Variants in LAMC1 observed in about 807,000 individuals in gnomAD.
LAMC1 encodes laminin subunit gamma 1.
A neutral mutation model predicts 173.6 loss-of-function variants in LAMC1; 38 were observed. The observed-to-expected ratio is 0.22, with a 90% CI of 0.17 to 0.29. The LOEUF (loss-of-function observed/expected upper bound fraction) is 0.29. LAMC1 is among the 10% of genes least tolerant of loss of function. The pLI, the probability that LAMC1 is intolerant of heterozygous loss-of-function variation, is 1.00. For synonymous variants in LAMC1, 746 were observed against 749.1 expected, an observed-to-expected ratio of 1.00 and a Z score of 0.07; for missense variants, 1,824 against 2,051.8, an observed-to-expected ratio of 0.89 and a Z score of 2.14.
rs1657163478 is a variant in LAMC1 at position 183,143,153 on chromosome 1, C to T, written c.*363C>T. The T allele has an allele frequency of 5.4e-6, 1 of 184,550 alleles. No individual in the cohort carries two copies. The highest frequency in any genetic ancestry group is 1.2e-5 in the Non-Finnish European group (1 of 86,930). The allele number at this position is 184,550 out of a possible 1,614,324, so 11.4% of individuals were successfully genotyped here. ...GTAGCCCTCCCCTGTCTCATCGATA[C>T]CAGCAGAACCTCCTCAGTCTCAGTA... On this transcript the variant is annotated 3_prime_UTR_variant, in exon 28 of 28. Transcript: ENST00000258341.
At position 183,091,625 on chromosome 1, in the gene LAMC1, T is replaced by C. The variant is rs560235709; in HGVS notation, c.419-11703T>C. On this transcript the variant is annotated intron_variant, in intron 1 of 27. Coordinates refer to ENST00000258341, the MANE Select transcript of LAMC1 (RefSeq NM_002293.4). ...CTCTGAAAAATAAATATTTCTATGC[T>C]AGTCTGTAGCCAACAGAATGTAACA... is the stretch of plus-strand genomic sequence containing the variant. Among the ~76,000 whole-genome samples the C allele has an allele frequency of 4.5e-3, 683 of 152,332 alleles. 8 individuals carry two copies. The highest frequency in any genetic ancestry group is 0.016 in the African/African-American group (648 of 41,574).
chr1:183,068,399 T>C (rs1005227297), intron 1 of LAMC1, among the ~76,000 whole-genome samples: 8 of 152,166 alleles, frequency 5.3e-5, no homozygotes, highest in African/African-American at 1.9e-4. Flanking sequence ...AATTACTAAT[T>C]ATTTAGGTGA....
chr1:183,039,351 G>C (rs971847937), intron 1 of LAMC1, among the ~76,000 whole-genome samples: 5 of 152,112 alleles, frequency 3.3e-5, no homozygotes, highest in Admixed American at 2.0e-4. Flanking sequence ...TTGGGTAAAG[G>C]GTCGTGATCA....
At position 183,132,429 on chromosome 1, in the gene LAMC1, G is replaced by A. The variant is rs1018294668; in HGVS notation, c.3596G>A (p.Arg1199Gln). The change falls in exon 21 of 28, where the codon CGA becomes CAA. Residue 1199 changes from arginine to glutamine, a missense_variant. Physicochemically the swap from Arg to Gln is conservative, Grantham distance 43. Transcript: ENST00000258341. ...AAACAGGAAGCTGATGACATTGTTC[G>A]AGTGGCAAAGACAGCCAATGATACG... The part of the protein sequence containing the change: ...RHKQEADDIV[R>Q]VAKTANDTST... 1.3e-5 allele frequency: 21 copies of A among 1,613,450 alleles called. No homozygotes were observed. Among genetic ancestry groups the A allele is most frequent in the East Asian group, 2.2e-5 (1 of 44,870 alleles).
chr1:183,140,339 G>A, intron 26 of LAMC1, 65 bp from the exon 27 acceptor site: 2 of 959,376 alleles, frequency 2.1e-6, no homozygotes, highest in Non-Finnish European at 3.0e-6. Flanking sequence ...GGGTCATTGG[G>A]AAAAAAGATT....
intron 1 of LAMC1, among the ~76,000 whole-genome samples, chr1:183,062,451 G>A (rs964041384): frequency 2.6e-5 from 4 of 152,084 alleles, no homozygotes; most frequent in Non-Finnish European, 4.4e-5. Context: ...TCAGGAGTTC[G>A]AGACCACCTG....
intron 1 of LAMC1, among the ~76,000 whole-genome samples, chr1:183,072,339 C>G (rs747704382): frequency 6.6e-6 from 1 of 152,200 alleles, no homozygotes; most frequent in Non-Finnish European, 1.5e-5. Flanking sequence ...CTTTGAATAT[C>G]TTAAACTCCA....
chr1:183,133,160 C>G (rs1656845400), intron 21 of LAMC1, among the ~76,000 whole-genome samples: 1 of 152,184 alleles, frequency 6.6e-6, no homozygotes, highest in Non-Finnish European at 1.5e-5. Flanking sequence ...ATCTGCTCAC[C>G]TCAGCCTCCC....
chr1:183,045,756 G>C (rs1020518522), intron 1 of LAMC1, among the ~76,000 whole-genome samples: 1 of 152,108 alleles, frequency 6.6e-6, no homozygotes, highest in South Asian at 2.1e-4. Flanking sequence ...CAGAGTGATC[G>C]TGCTAGTTTA....
chr1:183,105,927 A>G (rs1018665003), intron 2 of LAMC1, among the ~76,000 whole-genome samples: 14 of 152,218 alleles, frequency 9.2e-5, no homozygotes, highest in Non-Finnish European at 1.6e-4. Flanking sequence ...GTGTTGATTT[A>G]TGGTAATAAT....
intron 27 of LAMC1, among the ~76,000 whole-genome samples, chr1:183,142,010 A>G (rs1162130249): frequency 6.6e-6 from 1 of 152,160 alleles, no homozygotes; most frequent in African/African-American, 2.4e-5. Context: ...TTATTTCAGC[A>G]TTTTACTCCT....
intron 1 of LAMC1, among the ~76,000 whole-genome samples, chr1:183,053,311 G>C (rs1384150089): frequency 6.6e-6 from 1 of 152,006 alleles, no homozygotes; most frequent in East Asian, 1.9e-4. Flanking sequence ...GCTGAAACAG[G>C]TTTATCAAAG....
At chr1:183,056,464 G>A (rs962473345) in intron 1 of LAMC1, among the ~76,000 whole-genome samples, 21 of 151,978 alleles carry the variant, frequency 1.4e-4, no homozygotes, top group Non-Finnish European at 2.4e-4. Context: ...CACCAGTCAC[G>A]TCCCACTGTC....
intron 1 of LAMC1, among the ~76,000 whole-genome samples, chr1:183,033,252 A>G (rs1358297487): frequency 2.0e-5 from 3 of 152,172 alleles, no homozygotes; most frequent in South Asian, 2.1e-4. Context: ...GCTGGTTTTA[A>G]TTGAGTTATG....
At chr1:183,119,819 C>T (rs1656420028) in intron 11 of LAMC1, among the ~76,000 whole-genome samples, 1 of 152,096 alleles carries the variant, frequency 6.6e-6, no homozygotes, top group Non-Finnish European at 1.5e-5. Flanking sequence ...AGGAAGCTAG[C>T]ATCGTTGGGT....
Position 183,068,799 on chromosome 1 carries a change from G to A in LAMC1, c.419-34529G>A, listed in dbSNP as rs184931494. 2.4e-3 allele frequency among the ~76,000 whole-genome samples: 366 copies of A among 152,116 alleles called. 1 individual carries two copies. The highest frequency in any genetic ancestry group is 4.4e-3 in the Non-Finnish European group (300 of 67,986). Reference sequence around the variant, plus strand: ...CTACTAAAAACACAAAAAATTAGCCGGGCATGGTGGCGGGCGCCTGTAGTC... The same window carrying A: ...CTACTAAAAACACAAAAAATTAGCCAGGCATGGTGGCGGGCGCCTGTAGTC... On this transcript the variant is annotated intron_variant, in intron 1 of 27. Coordinates refer to ENST00000258341, the MANE Select transcript of LAMC1 (RefSeq NM_002293.4).
intron 1 of LAMC1, among the ~76,000 whole-genome samples, chr1:183,064,189 T>C (rs958174768): frequency 6.6e-6 from 1 of 152,172 alleles, no homozygotes; most frequent in Non-Finnish European, 1.5e-5. Context: ...TCTATATATA[T>C]GTATATATAG....
intron 1 of LAMC1, among the ~76,000 whole-genome samples, chr1:183,075,207 C>G (rs887500948): frequency 4.6e-5 from 7 of 150,872 alleles, no homozygotes; most frequent in Non-Finnish European, 1.0e-4. Flanking sequence ...CCCACTGCAG[C>G]CTCGACCTCT....
chr1:183,098,333 A>AG (rs1363383083), intron 1 of LAMC1, among the ~76,000 whole-genome samples: 4 of 152,198 alleles, frequency 2.6e-5, no homozygotes, highest in Admixed American at 2.6e-4. Context: ...GATAACACAC[A>AG]TACCTCGCAC....
Sources: allele counts gnomAD v4.1 joint callset (sites outside exome capture counted in the v4.1 genomes callset), GRCh38; gene constraint gnomAD v4.1.1; transcripts MANE v1.5; gene names NCBI Gene and HGNC (gene_info 2026-07-23, HGNC 2026-07-21).